The following CFAP47 variants were observed in gnomAD, a reference collection of about 807,000 sequenced individuals.
The protein encoded by CFAP47 is cilia and flagella associated protein 47, also known as cilia- and flagella-associated protein 47.
A neutral mutation model predicts 148.1 loss-of-function variants in CFAP47; 29 were observed. The observed-to-expected ratio is 0.20, with a 90% CI of 0.15 to 0.27. CFAP47 has a LOEUF of 0.27. CFAP47 is among the 10% of genes least tolerant of loss of function. CFAP47 has a pLI of 1.00. For missense variants in CFAP47, 1,872 were observed against 1,697.5 expected (o/e 1.10, Z -1.81); for synonymous variants, 664 against 577.3 (o/e 1.15, Z -2.15).
intron 45 of CFAP47, among the ~76,000 whole-genome samples, chrX:36,208,169 A>G (rs1434722002): frequency 9.0e-6 from 1 of 111,576 alleles, no homozygotes; most frequent in East Asian, 2.8e-4. Flanking sequence ...CCCTTCTCCC[A>G]CCTAATTCCA....
At chrX:36,250,980 T>C (rs1049985890) in intron 48 of CFAP47, among the ~76,000 whole-genome samples, 1 of 111,443 alleles carries the variant, frequency 9.0e-6, no homozygotes, top group Non-Finnish European at 1.9e-5. Context: ...TCATCTCTTT[T>C]GTATATCAAA....
intron 42 of CFAP47, among the ~76,000 whole-genome samples, chrX:36,191,969 G>A (rs1939870810): frequency 9.0e-6 from 1 of 110,797 alleles, no homozygotes; most frequent in South Asian, 3.8e-4. Context: ...GGGCAACAGA[G>A]TGAGACACTG....
intron 33 of CFAP47, among the ~76,000 whole-genome samples, chrX:36,109,248 A>G (rs762335856): frequency 9.0e-6 from 1 of 111,567 alleles, no homozygotes; most frequent in Non-Finnish European, 1.9e-5. Context: ...CAGTGCTGCA[A>G]TGAATATATA....
At chrX:36,319,845 G>T (rs1941464215) in intron 57 of CFAP47, among the ~76,000 whole-genome samples, 1 of 110,955 alleles carries the variant, frequency 9.0e-6, no homozygotes, top group Non-Finnish European at 1.9e-5. Flanking sequence ...TTTGTTTTGA[G>T]ACAGAGTCTC....
At chrX:36,105,319 G>A (rs1183944723) in intron 33 of CFAP47, among the ~76,000 whole-genome samples, 1 of 111,698 alleles carries the variant, frequency 9.0e-6, no homozygotes, top group Non-Finnish European at 1.9e-5. Context: ...TAGTACTAAG[G>A]ACAGTGCGCA....
At chrX:36,231,403 G>C (rs1225005273) in intron 46 of CFAP47, among the ~76,000 whole-genome samples, 4 of 106,937 alleles carry the variant, frequency 3.7e-5, no homozygotes, top group African/African-American at 1.4e-4. Context: ...TCATGATTTG[G>C]CTCTCTGTTT....
chrX:35,941,364 A>G lies in CFAP47; in HGVS notation c.483A>G (p.Lys161=), dbSNP rs142281214. 35 of 1,135,264 alleles carry G rather than the reference A, an allele frequency of 3.1e-5. No homozygotes were observed. The highest frequency in any genetic ancestry group is 3.7e-5 in the African/African-American group (2 of 53,732). 93.6% of individuals were successfully genotyped at this position (1,135,264 alleles called of 1,213,427 possible). ...TTGCCAATAGTAAAGTATATTCTAA[A>G]GAGATTACTATCACTAACCATGGCA... ...TLVANSKVYS[K]EITITNHGKA... is the part of the protein sequence containing the mutation. The change falls in exon 3 of 64, where the codon AAA becomes AAG. Residue 161 remains lysine (K), a synonymous_variant. Transcript: ENST00000378653.
chrX:35,924,159 A>ATGTATATATGTACATGCATACATGTATG (rs1569201411), intron 1 of CFAP47, among the ~76,000 whole-genome samples: 6 of 83,190 alleles, frequency 7.2e-5, no homozygotes, highest in African/African-American at 4.0e-4. Context: ...GCGTACATAT[A>ATGTATATATGTACATGCATACATGTATG]TGTATATATG....
chrX:36,298,924 A>G, intron 51 of CFAP47, 53 bp from the exon 52 acceptor site: 1 of 773,195 alleles, frequency 1.3e-6, no homozygotes, highest in Non-Finnish European at 1.9e-6. Flanking sequence ...TCATAGTATA[A>G]TGACTCCATG....
chrX:35,988,758 C>A (rs1257159877), intron 15 of CFAP47, among the ~76,000 whole-genome samples: 1 of 111,907 alleles, frequency 8.9e-6, no homozygotes. Context: ...TCCAAATGTA[C>A]CTGATACCAC....
At chrX:35,924,101 GTA>G (rs772033472) in intron 1 of CFAP47, among the ~76,000 whole-genome samples, 2 of 100,118 alleles carry the variant, frequency 2.0e-5, no homozygotes, top group East Asian at 6.4e-4. Flanking sequence ...GTACATATAT[GTA>G]TATATGTACA....
intron 1 of CFAP47, 50 bp downstream of exon 1, chrX:35,920,098 C>CA: frequency 8.9e-7 from 1 of 1,124,644 alleles, no homozygotes; most frequent in Non-Finnish European, 1.2e-6. Context: ...AGCGCCTCCT[C>CA]ACACTGCGTC....
At chrX:35,936,006 G>T (rs1335058066) in intron 2 of CFAP47, among the ~76,000 whole-genome samples, 1 of 111,617 alleles carries the variant, frequency 9.0e-6, no homozygotes, top group Non-Finnish European at 1.9e-5. Context: ...AGTTTATCAG[G>T]TTTGGGTTCA....
chrX:36,137,059 G>A (rs766692055), intron 33 of CFAP47, among the ~76,000 whole-genome samples: 2 of 111,138 alleles, frequency 1.8e-5, no homozygotes, highest in Admixed American at 1.9e-4. Flanking sequence ...TGATTCAAGA[G>A]ATAATTAAGT....
chrX:36,139,301 A>G (rs1939099848), intron 35 of CFAP47, among the ~76,000 whole-genome samples: 1 of 111,697 alleles, frequency 9.0e-6, no homozygotes, highest in Admixed American at 9.6e-5. Flanking sequence ...CAGAGGAAGT[A>G]ACATGAACAG....
At chrX:35,974,589 C>A (rs1936541094) in intron 13 of CFAP47, among the ~76,000 whole-genome samples, 1 of 111,546 alleles carries the variant, frequency 9.0e-6, no homozygotes, top group Non-Finnish European at 1.9e-5. Context: ...GTGATTGTTT[C>A]ACAGGTGTAT....
chrX:36,002,655 A>G (rs1247748134), intron 21 of CFAP47, among the ~76,000 whole-genome samples: 2 of 111,635 alleles, frequency 1.8e-5, no homozygotes, highest in Non-Finnish European at 3.8e-5. Context: ...CAAGAATCAA[A>G]CTTCTATGTG....
chrX:35,948,591 C>T, intron 4 of CFAP47, 139 bp downstream of exon 4: 1 of 473,559 alleles, frequency 2.1e-6, no homozygotes, highest in Non-Finnish European at 3.5e-6. Context: ...CTACTATTTG[C>T]CAAGCAGTAG....
chrX:36,115,260 T>A, intron 33 of CFAP47, among the ~76,000 whole-genome samples: 1 of 111,452 alleles, frequency 9.0e-6, no homozygotes, highest in Non-Finnish European at 1.9e-5. Flanking sequence ...ATTGCAGAGG[T>A]TTTTCTAGTT....
Sources: allele counts gnomAD v4.1 joint callset (sites outside exome capture counted in the v4.1 genomes callset), GRCh38; gene constraint gnomAD v4.1.1; transcripts MANE v1.5; gene names NCBI Gene and HGNC (gene_info 2026-07-23, HGNC 2026-07-21).